The following VEZT variants were observed in gnomAD, a reference collection of about 807,000 sequenced individuals.
The protein encoded by VEZT is vezatin.
VEZT carries 39 observed loss-of-function variants against 79.9 expected under a neutral mutation model. That is an observed-to-expected ratio of 0.49 (90% CI 0.38 to 0.64). The LOEUF (loss-of-function observed/expected upper bound fraction) is 0.64, where lower values mean the gene tolerates loss of function less well. Ranked by LOEUF, VEZT falls within the 30% of genes least tolerant of loss-of-function variation. The probability of loss-of-function intolerance (pLI) is 0.00; values close to 1 mark genes in which losing one functional copy is unlikely to be tolerated. For missense variants in VEZT, 837 were observed against 893.1 expected, an observed-to-expected ratio of 0.94 and a Z score of 0.80; for synonymous variants, 325 against 327.6, an observed-to-expected ratio of 0.99 and a Z score of 0.09.
chr12:95,241,755 T>C (rs2061055489), intron 1 of VEZT, among the ~76,000 whole-genome samples: 1 of 152,238 alleles, frequency 6.6e-6, no homozygotes, highest in Non-Finnish European at 1.5e-5. Context: ...TTAACTGTCT[T>C]GTTTAATGGT....
intron 1 of VEZT, among the ~76,000 whole-genome samples, chr12:95,246,104 G>A (rs2061674567): frequency 6.6e-6 from 1 of 152,104 alleles, no homozygotes; most frequent in Admixed American, 6.6e-5. Context: ...TGGGAGATCT[G>A]ATATCTTTTC....
intron 1 of VEZT, chr12:95,243,854 G>C (rs1022136343): frequency 3.3e-5 from 14 of 419,842 alleles, no homozygotes; most frequent in African/African-American, 2.9e-4. Flanking sequence ...TGAAAGAGCA[G>C]GTTGTTATAA....
At position 95,287,665 on chromosome 12, in the gene VEZT, G is replaced by T; in HGVS notation, c.1330G>T (p.Val444Leu). Reference sequence around the variant, plus strand: ...TTTCTGTTTTTCTTTATGACTCAGGGTAATAATTCTTGAAGATGAACTTGA... The same window carrying T: ...TTTCTGTTTTTCTTTATGACTCAGGTTAATAATTCTTGAAGATGAACTTGA... ...QLHLKALLNE[V>L]IILEDELEKL... The change falls in exon 9 of 12, where the codon GTA becomes TTA. Residue 444 changes from valine to leucine, a missense_variant and splice_region_variant. By Grantham distance (32) the Val-to-Leu change is conservative. Transcript: ENST00000436874. 1.2e-5 allele frequency: 18 copies of T among 1,552,128 alleles called. No homozygotes were observed. Among genetic ancestry groups the T allele is most frequent in the Non-Finnish European group, 1.5e-5 (17 of 1,147,112 alleles).
intron 3 of VEZT, among the ~76,000 whole-genome samples, chr12:95,260,781 G>A (rs2064305498): frequency 6.6e-6 from 1 of 152,174 alleles, no homozygotes; most frequent in South Asian, 2.1e-4. Context: ...CAATTTCAGA[G>A]ATTACTCAAA....
At chr12:95,258,253 A>G (rs1243885605) in intron 3 of VEZT, 2 of 455,896 alleles carry the variant, frequency 4.4e-6, no homozygotes, top group Non-Finnish European at 8.8e-6. Context: ...AGGTGGAGCC[A>G]TCTCATTCTT....
At chr12:95,224,249 C>A (rs1446942478) in intron 1 of VEZT, 1 of 455,518 alleles carries the variant, frequency 2.2e-6, no homozygotes, top group African/African-American at 2.0e-5. Context: ...TTGGGTGTTT[C>A]TTGTCTGAAT....
At chr12:95,287,562 CA>C in intron 8 of VEZT, 101 bp from the exon 9 acceptor site, 1 of 1,176,440 alleles carries the variant, frequency 8.5e-7, no homozygotes. Flanking sequence ...CTTGGCCTCC[CA>C]AAGTGCTGAG....
Position 95,263,061 on chromosome 12 carries a change from C to G in VEZT, c.414C>G (p.Ser138=). The G allele has an allele frequency of 6.2e-7, 1 of 1,608,650 alleles. No individual in the cohort carries two copies. Among genetic ancestry groups the G allele is most frequent in the East Asian group, 2.2e-5 (1 of 44,780 alleles). The part of the protein sequence containing the change: ...QENGHLPTLC[S]LATPNIWDLS... ...ATGGACACCTTCCAACACTTTGCTC[C>G]CTGGCAACCCCTAATATTTGGTACT... is the stretch of plus-strand genomic sequence containing the variant. Residue 138 remains serine, a synonymous_variant, in exon 4 of 12, where the codon TCC becomes TCG. Coordinates refer to ENST00000436874, the MANE Select transcript of VEZT (RefSeq NM_017599.4).
Position 95,270,130 on chromosome 12 carries a change from C to A in VEZT, c.790C>A (p.Arg264=). 6.2e-7 allele frequency: 1 copy of A among 1,611,320 alleles called. No individual in the cohort carries two copies. Among genetic ancestry groups the A allele is most frequent in the Non-Finnish European group, 8.5e-7 (1 of 1,178,880 alleles). The change falls in exon 6 of 12, where the codon CGA becomes AGA. Residue 264 remains arginine, a synonymous_variant. Transcript: ENST00000436874. ...CATCGGTCTTCGGAAAGCTGTCTACCGAACTCTAAGAGCCAACTTCCAAGC... is the reference window on the plus strand; with the variant it reads ...CATCGGTCTTCGGAAAGCTGTCTACAGAACTCTAAGAGCCAACTTCCAAGC... ...HLIGLRKAVY[R]TLRANFQAAR... is the part of the protein sequence containing the mutation.
intron 6 of VEZT, among the ~76,000 whole-genome samples, chr12:95,272,181 A>C (rs1310994798): frequency 3.3e-5 from 5 of 152,188 alleles, no homozygotes; most frequent in African/African-American, 9.7e-5. Context: ...ATAAACTAAA[A>C]TAAAATAATA....
intron 7 of VEZT, among the ~76,000 whole-genome samples, chr12:95,281,606 C>T (rs993181545): frequency 6.7e-6 from 1 of 149,986 alleles, no homozygotes; most frequent in East Asian, 2.0e-4. Context: ...AGTGCAGTGG[C>T]GCCATCTCAG....
At chr12:95,228,876 A>G (rs1468111910) in intron 1 of VEZT, among the ~76,000 whole-genome samples, 1 of 152,106 alleles carries the variant, frequency 6.6e-6, no homozygotes, top group African/African-American at 2.4e-5. Flanking sequence ...GGTGGCATGT[A>G]CCTGCAGTGC....
intron 1 of VEZT, among the ~76,000 whole-genome samples, chr12:95,249,881 C>T (rs1221432829): frequency 1.3e-5 from 2 of 151,718 alleles, no homozygotes; most frequent in African/African-American, 4.9e-5. Context: ...CCCGTTTCCT[C>T]ATCTATGGAA....
At chr12:95,243,544 A>G (rs2061329238) in intron 1 of VEZT, among the ~76,000 whole-genome samples, 1 of 152,176 alleles carries the variant, frequency 6.6e-6, no homozygotes, top group Admixed American at 6.5e-5. Context: ...ATAAATAAAT[A>G]AAAATAAAGC....
chr12:95,237,813 TA>T (rs1159068726), intron 1 of VEZT, among the ~76,000 whole-genome samples: 3 of 152,204 alleles, frequency 2.0e-5, no homozygotes, highest in African/African-American at 7.2e-5. Context: ...CTTAGGCTAA[TA>T]AGTATAGAGC....
chr12:95,234,295 T>C, intron 1 of VEZT, among the ~76,000 whole-genome samples: 1 of 150,984 alleles, frequency 6.6e-6, no homozygotes, highest in East Asian at 1.9e-4. Context: ...TTTTTTTTTT[T>C]TTTTTTTTTG....
intron 2 of VEZT, among the ~76,000 whole-genome samples, chr12:95,252,700 C>G (rs1407181459): frequency 6.6e-6 from 1 of 152,234 alleles, no homozygotes; most frequent in Non-Finnish European, 1.5e-5. Flanking sequence ...CGCGGTGGCT[C>G]ACGCCTGTAA....
intron 3 of VEZT, among the ~76,000 whole-genome samples, chr12:95,260,136 C>A (rs1463172013): frequency 1.6e-5 from 2 of 121,320 alleles, no homozygotes; most frequent in Non-Finnish European, 3.3e-5. Context: ...GACAGAGTCT[C>A]CTTCTATTTT....
chr12:95,295,217 G>A (rs1169135545), intron 10 of VEZT, among the ~76,000 whole-genome samples: 1 of 152,182 alleles, frequency 6.6e-6, no homozygotes, highest in East Asian at 1.9e-4. Flanking sequence ...CTGGAGTGCA[G>A]GGGCGCGATC....
Sources: gnomAD v4.1 joint callset for allele counts (sites outside exome capture counted in the v4.1 genomes callset) on GRCh38, gnomAD v4.1.1 for gene constraint, MANE v1.5 for transcripts, NCBI Gene and HGNC (gene_info 2026-07-23, HGNC 2026-07-21) for gene names.